The following PTPRT variants were observed in gnomAD, a reference collection of about 807,000 sequenced individuals.
PTPRT encodes receptor-type tyrosine-protein phosphatase T.
PTPRT carries 56 observed loss-of-function variants against 176.8 expected under a neutral mutation model. That is an observed-to-expected ratio of 0.32 (90% CI 0.26 to 0.40). PTPRT has a LOEUF of 0.40. PTPRT is among the 10% of genes least tolerant of loss of function. The pLI is 1.00. For synonymous variants in PTPRT, 783 were observed against 739.0 expected, an observed-to-expected ratio of 1.06 and a Z score of -0.96; for missense variants, 1,540 against 1,908.2, an observed-to-expected ratio of 0.81 and a Z score of 3.60.
intron 11 of PTPRT, among the ~76,000 whole-genome samples, chr20:42,339,129 A>G (rs2058078460): frequency 6.6e-6 from 1 of 152,200 alleles, no homozygotes; most frequent in South Asian, 2.1e-4. Flanking sequence ...AGGCTGCTCT[A>G]GCCTTCCACA....
At chr20:42,503,907 T>G (rs1387995944) in intron 7 of PTPRT, among the ~76,000 whole-genome samples, 1 of 152,154 alleles carries the variant, frequency 6.6e-6, no homozygotes, top group Non-Finnish European at 1.5e-5. Context: ...ATCTATAACC[T>G]GATTGACTCC....
intron 7 of PTPRT, among the ~76,000 whole-genome samples, chr20:42,522,146 C>T (rs2072188265): frequency 6.7e-6 from 1 of 148,892 alleles, no homozygotes; most frequent in African/African-American, 2.5e-5. Flanking sequence ...TAACTTTTTC[C>T]TTTTCTCTTG....
chr20:42,534,629 C>A (rs1806142095), intron 7 of PTPRT, among the ~76,000 whole-genome samples: 1 of 152,086 alleles, frequency 6.6e-6, no homozygotes, highest in Non-Finnish European at 1.5e-5. Context: ...GAGCGAGACT[C>A]CATCTCAAAA....
intron 1 of PTPRT, among the ~76,000 whole-genome samples, chr20:43,154,731 T>A (rs2014468271): frequency 6.6e-6 from 1 of 152,128 alleles, no homozygotes; most frequent in Non-Finnish European, 1.5e-5. Flanking sequence ...AGCTTCTGCA[T>A]GGCAAAGGAA....
At chr20:42,236,796 T>G (rs139070214) in intron 14 of PTPRT, among the ~76,000 whole-genome samples, 18 of 152,208 alleles carry the variant, frequency 1.2e-4, no homozygotes, top group African/African-American at 4.3e-4. Context: ...AAGGAAATCA[T>G]ATAGCCAGTA....
intron 16 of PTPRT, among the ~76,000 whole-genome samples, chr20:42,180,814 G>A (rs577868180): frequency 6.6e-6 from 1 of 152,266 alleles, no homozygotes; most frequent in Admixed American, 6.5e-5. Flanking sequence ...TTACTTAGTG[G>A]CTTCAGAGGT....
At chr20:42,735,372 C>T (rs543941627) in intron 6 of PTPRT, among the ~76,000 whole-genome samples, 46 of 152,074 alleles carry the variant, frequency 3.0e-4, no homozygotes, top group Non-Finnish European at 3.2e-4. Context: ...AGGCATCCCA[C>T]GGAAAACTGA....
chr20:42,397,761 G>T (rs1195919756), intron 9 of PTPRT, among the ~76,000 whole-genome samples: 1 of 152,096 alleles, frequency 6.6e-6, no homozygotes, highest in East Asian at 1.9e-4. Context: ...TACATCACAG[G>T]TGTCTTTTTG....
chr20:42,039,692 G>GTGTATATATATATATATATATATA, the PTPRT span, among the ~76,000 whole-genome samples: 134 of 113,256 alleles, frequency 1.2e-3, 1 homozygote, highest in East Asian at 1.7e-3. Context: ...ATTCTGTTGT[G>GTGTATATATATATATATATATATA]TATATATATA....
intron 7 of PTPRT, among the ~76,000 whole-genome samples, chr20:42,659,145 CT>C (rs1273684879): frequency 6.6e-6 from 1 of 152,086 alleles, no homozygotes; most frequent in Non-Finnish European, 1.5e-5. Context: ...CCTGCCTTAA[CT>C]TTTCCACTAT....
intron 11 of PTPRT, 56 bp from the exon 12 acceptor site, chr20:42,316,052 T>C (rs1417225435): frequency 1.3e-6 from 2 of 1,581,124 alleles, no homozygotes; most frequent in Non-Finnish European, 1.7e-6. Flanking sequence ...AGAATGAGCT[T>C]GTTAGCTCTA....
chr20:42,661,219 A>T (rs183126345), intron 7 of PTPRT, among the ~76,000 whole-genome samples: 30 of 152,238 alleles, frequency 2.0e-4, no homozygotes, highest in Middle Eastern at 6.8e-3. Context: ...GTCCTTTGCG[A>T]AGTGACTTTT....
intron 1 of PTPRT, among the ~76,000 whole-genome samples, chr20:43,007,425 C>T (rs77495667): frequency 5.9e-5 from 9 of 152,238 alleles, no homozygotes; most frequent in South Asian, 2.1e-4. Flanking sequence ...TGCCTTCATG[C>T]GTTATTTATC....
At chr20:42,856,574 A>G (rs2078566954) in intron 2 of PTPRT, among the ~76,000 whole-genome samples, 1 of 152,128 alleles carries the variant, frequency 6.6e-6, no homozygotes, top group African/African-American at 2.4e-5. Flanking sequence ...CCGGGAGTGT[A>G]TCAGCTTCTC....
chr20:42,906,095 A>G (rs1040004349), intron 1 of PTPRT, among the ~76,000 whole-genome samples: 10 of 152,314 alleles, frequency 6.6e-5, no homozygotes, highest in East Asian at 5.8e-4. Context: ...CAAAAACCCG[A>G]GACCACAGCA....
intron 7 of PTPRT, among the ~76,000 whole-genome samples, chr20:42,603,163 A>G (rs1443806827): frequency 6.6e-6 from 1 of 152,230 alleles, no homozygotes; most frequent in African/African-American, 2.4e-5. Context: ...CAAATACACC[A>G]ATGGCACACA....
chr20:43,186,232 G>A (rs1020481634), intron 1 of PTPRT, among the ~76,000 whole-genome samples: 3 of 152,210 alleles, frequency 2.0e-5, no homozygotes, highest in African/African-American at 2.4e-5. Context: ...TGCCCAAGCC[G>A]GCATAGGTAG....
chr20:42,917,005 C>A (rs1978810516), intron 1 of PTPRT, among the ~76,000 whole-genome samples: 1 of 152,190 alleles, frequency 6.6e-6, no homozygotes, highest in Non-Finnish European at 1.5e-5. Context: ...GTTGCCACTG[C>A]TTTTGGTGTT....
chr20:42,243,725 G>C (rs150356900), intron 14 of PTPRT, among the ~76,000 whole-genome samples: 1 of 152,164 alleles, frequency 6.6e-6, no homozygotes, highest in Non-Finnish European at 1.5e-5. Flanking sequence ...GTAGAAGGTA[G>C]CAGCATGAGC....
Sources: allele counts gnomAD v4.1 joint callset (sites outside exome capture counted in the v4.1 genomes callset), GRCh38; gene constraint gnomAD v4.1.1; transcripts MANE v1.5; gene names NCBI Gene and HGNC (gene_info 2026-07-23, HGNC 2026-07-21).